TAFA5: variants seen among roughly 807,000 people sequenced by gnomAD.
TAFA5 encodes TAFA chemokine like family member 5.
In TAFA5, 6 loss-of-function variants were observed where a neutral mutation model predicts 15.3. That is an observed-to-expected ratio of 0.39 (90% CI 0.21 to 0.77). The LOEUF (loss-of-function observed/expected upper bound fraction) is 0.77, where lower values mean the gene tolerates loss of function less well. Among genes scored for constraint, TAFA5 ranks in the 30% least tolerant of loss-of-function variants. The pLI, the probability that TAFA5 is intolerant of heterozygous loss-of-function variation, is 0.41. For synonymous variants in TAFA5, 103 were observed against 80.7 expected (o/e 1.28, Z -1.48); for missense variants, 161 against 193.1 (o/e 0.83, Z 0.98).
At chr22:48,508,789 G>A (rs550891471) in intron 1 of TAFA5, among the ~76,000 whole-genome samples, 27 of 152,218 alleles carry the variant, frequency 1.8e-4, no homozygotes, top group South Asian at 8.3e-4. Flanking sequence ...CACACCCATC[G>A]CCTCAACATT....
At chr22:48,511,502 G>A (rs1205992963) in intron 1 of TAFA5, among the ~76,000 whole-genome samples, 3 of 152,220 alleles carry the variant, frequency 2.0e-5, no homozygotes, top group African/African-American at 7.2e-5. Context: ...CCTTCAGTCA[G>A]CGCCACACTG....
intron 2 of TAFA5, among the ~76,000 whole-genome samples, chr22:48,704,551 G>C (rs1350607601): frequency 6.6e-6 from 1 of 152,152 alleles, no homozygotes; most frequent in African/African-American, 2.4e-5. Context: ...GCAGGTGGCT[G>C]GGACCCTCTG....
chr22:48,551,687 C>T (rs903452000), intron 1 of TAFA5, among the ~76,000 whole-genome samples: 1 of 152,138 alleles, frequency 6.6e-6, no homozygotes, highest in African/African-American at 2.4e-5. Flanking sequence ...CCACCCTTCT[C>T]GTGGTCTGCA....
chr22:48,598,228 C>T lies in TAFA5; in HGVS notation c.113-48369C>T, dbSNP rs182307816. Among the ~76,000 whole-genome samples the T allele has an allele frequency of 3.3e-5, 5 of 152,146 alleles. No individual in the cohort carries two copies. The highest frequency in any genetic ancestry group is 7.4e-5 in the Non-Finnish European group (5 of 68,026). On this transcript the variant is annotated intron_variant, in intron 1 of 3. Transcript: ENST00000402357. This position sits in a 1 kb window ranked among gnomAD's most constrained non-coding sequence, Gnocchi z 4.0. ...CTTCACCTGCTTGGATAGGGCCCAC[C>T]CACAGTATGGAAGGCCATCTGCTTT...
intron 1 of TAFA5, among the ~76,000 whole-genome samples, chr22:48,527,311 T>G (rs133486): frequency 0.25 from 38,185 of 152,240 alleles, 5,125 homozygotes; most frequent in Middle Eastern, 0.31. Context: ...CTCTGAGATC[T>G]GCACTCAACC....
chr22:48,606,289 C>T (rs1925191360), intron 1 of TAFA5, among the ~76,000 whole-genome samples: 2 of 152,272 alleles, frequency 1.3e-5, no homozygotes, highest in African/African-American at 4.8e-5. Flanking sequence ...ATCGCAGTGG[C>T]GAACCGTCGG....
intron 1 of TAFA5, among the ~76,000 whole-genome samples, chr22:48,609,559 C>T (rs913164794): frequency 4.6e-5 from 7 of 152,218 alleles, no homozygotes; most frequent in Non-Finnish European, 7.3e-5. Flanking sequence ...CTTCTGCTCA[C>T]GCACAGCTCC....
At chr22:48,584,427 A>G (rs541381817) in intron 1 of TAFA5, among the ~76,000 whole-genome samples, 1 of 149,600 alleles carries the variant, frequency 6.7e-6, no homozygotes, top group Non-Finnish European at 1.5e-5. Context: ...CACACAAAAT[A>G]TACTATGTAA....
intron 1 of TAFA5, among the ~76,000 whole-genome samples, chr22:48,612,430 G>A (rs1925442606): frequency 1.3e-5 from 2 of 152,142 alleles, no homozygotes; most frequent in South Asian, 4.1e-4. Flanking sequence ...GACATTTTGA[G>A]CGTGTGTCAA....
At chr22:48,502,252 A>G (rs76522143) in intron 1 of TAFA5, among the ~76,000 whole-genome samples, 8 of 152,168 alleles carry the variant, frequency 5.3e-5, no homozygotes, top group Non-Finnish European at 1.2e-4. Context: ...GTTGAGGCCG[A>G]TGGTCTGAGA....
intron 1 of TAFA5, among the ~76,000 whole-genome samples, chr22:48,584,510 C>T (rs1450816711): frequency 6.6e-6 from 1 of 150,730 alleles, no homozygotes; most frequent in Admixed American, 6.6e-5. Context: ...ACACCACACA[C>T]ACACACACAT....
chr22:48,534,372 A>T (rs4993759), intron 1 of TAFA5, among the ~76,000 whole-genome samples: 2 of 151,860 alleles, frequency 1.3e-5, no homozygotes, highest in Non-Finnish European at 2.9e-5. Context: ...GGCAGGTGAG[A>T]TGGGGCCGGG....
intron 3 of TAFA5, among the ~76,000 whole-genome samples, chr22:48,725,895 GA>G (rs771955710): frequency 1.7e-4 from 26 of 152,224 alleles, no homozygotes; most frequent in South Asian, 8.3e-4. Flanking sequence ...CATAGTGTTG[GA>G]AAGAAAGTTA....
chr22:48,576,507 A>G, intron 1 of TAFA5: 1 of 1,504,382 alleles, frequency 6.6e-7, no homozygotes, highest in African/African-American at 1.4e-5. Flanking sequence ...CGCTCTGGGC[A>G]CTGGCAGGGG....
chr22:48,646,206 C>A (rs1926856579), intron 1 of TAFA5, among the ~76,000 whole-genome samples: 2 of 152,194 alleles, frequency 1.3e-5, no homozygotes, highest in South Asian at 4.1e-4. Flanking sequence ...GGAGACCAAG[C>A]ACTGTGCCTC....
chr22:48,622,712 C>T (rs951516338), intron 1 of TAFA5, among the ~76,000 whole-genome samples: 8 of 152,204 alleles, frequency 5.3e-5, no homozygotes, highest in Admixed American at 1.3e-4. Context: ...GGAGGATTCC[C>T]GGAGGAGGTG....
intron 2 of TAFA5, among the ~76,000 whole-genome samples, chr22:48,667,468 C>T (rs903485776): frequency 1.3e-5 from 2 of 152,154 alleles, no homozygotes; most frequent in Non-Finnish European, 2.9e-5. Flanking sequence ...GCAGTCTTAT[C>T]GGTTCTGACA....
intron 2 of TAFA5, among the ~76,000 whole-genome samples, chr22:48,692,539 C>G (rs1928574984): frequency 6.6e-6 from 1 of 152,222 alleles, no homozygotes; most frequent in African/African-American, 2.4e-5. Flanking sequence ...GCTGGGATCA[C>G]AGGCCTGAGC....
intron 1 of TAFA5, among the ~76,000 whole-genome samples, chr22:48,525,196 G>A (rs940249681): frequency 5.9e-5 from 9 of 152,154 alleles, no homozygotes; most frequent in South Asian, 2.1e-4. Context: ...AGGGTGACCC[G>A]GTGACCCATT....
Sources: allele counts gnomAD v4.1 joint callset (sites outside exome capture counted in the v4.1 genomes callset), GRCh38; gene constraint gnomAD v4.1.1; non-coding constraint Gnocchi (gnomAD v3.1); transcripts MANE v1.5; gene names NCBI Gene and HGNC (gene_info 2026-07-23, HGNC 2026-07-21).